PCED1B: variants seen among roughly 807,000 people sequenced by gnomAD.
The protein encoded by PCED1B is PC-esterase domain-containing protein 1B.
For missense variants in PCED1B, 573 were observed against 573.9 expected (o/e 1.00, Z 0.02); for synonymous variants, 251 against 246.1 (o/e 1.02, Z -0.19).
intron 2 of PCED1B, among the ~76,000 whole-genome samples, chr12:47,152,877 G>A (rs1425621904): frequency 1.3e-5 from 2 of 152,180 alleles, no homozygotes; most frequent in East Asian, 3.9e-4. Flanking sequence ...GGAGGTTGCA[G>A]TAAGCCTAGA....
intron 2 of PCED1B, among the ~76,000 whole-genome samples, chr12:47,129,643 G>A (rs2137348036): frequency 6.6e-6 from 1 of 152,182 alleles, no homozygotes; most frequent in African/African-American, 2.4e-5. Flanking sequence ...CCTTGGGTGG[G>A]ATTCTCATGC....
intron 2 of PCED1B, among the ~76,000 whole-genome samples, chr12:47,113,512 G>A (rs145843744): frequency 1.3e-5 from 2 of 152,190 alleles, no homozygotes; most frequent in East Asian, 1.9e-4. Flanking sequence ...TACTGATGAC[G>A]CTCCTGCTTC....
rs529593477 is a variant in PCED1B, at chr12:47,230,010, G to A, written c.-57-4997G>A. ...AGGATGGTCTCAATCTCCTGACCTC[G>A]TGATCTGCCCGCCTCAGCCTCCTAA... On this transcript the variant is annotated intron_variant, in intron 3 of 3. Transcript: ENST00000546455. Among the ~76,000 whole-genome samples the A allele has an allele frequency of 1.9e-4, 28 of 150,756 alleles. No individual in the cohort carries two copies. In the South Asian group the frequency reaches 5.0e-3, roughly 27 times the overall value.
chr12:47,206,300 G>A (rs1057060475), intron 2 of PCED1B: 1 of 152,244 alleles, frequency 6.6e-6, no homozygotes, highest in African/African-American at 2.4e-5. Context: ...AAGGAGGTCT[G>A]CTTTGGCAAA....
At chr12:47,134,496 A>G (rs1415288766) in intron 2 of PCED1B, among the ~76,000 whole-genome samples, 1 of 152,174 alleles carries the variant, frequency 6.6e-6, no homozygotes, top group Non-Finnish European at 1.5e-5. Context: ...AGAACATACA[A>G]AACAGAAATT....
intron 2 of PCED1B, among the ~76,000 whole-genome samples, chr12:47,143,055 T>C (rs1940654552): frequency 6.6e-6 from 1 of 152,026 alleles, no homozygotes. Flanking sequence ...ATAGAAACAA[T>C]TTACCTCAAC....
chr12:47,100,409 T>G (rs1938651682), intron 1 of PCED1B, among the ~76,000 whole-genome samples: 1 of 152,226 alleles, frequency 6.6e-6, no homozygotes, highest in Non-Finnish European at 1.5e-5. Flanking sequence ...TGAATATTCT[T>G]GTCTTCTTTT....
intron 2 of PCED1B, chr12:47,210,486 C>A (rs1047937607): frequency 6.6e-6 from 1 of 152,212 alleles, no homozygotes; most frequent in African/African-American, 2.4e-5. Flanking sequence ...GTATTTCAGG[C>A]CGGGCTTGGT....
At chr12:47,084,147 C>A (rs1270628065) in intron 1 of PCED1B, among the ~76,000 whole-genome samples, 1 of 152,140 alleles carries the variant, frequency 6.6e-6, no homozygotes, top group Non-Finnish European at 1.5e-5. Context: ...TACTGAACAT[C>A]ATAGTTTAGC....
At chr12:47,232,082 A>G (rs1943825756) in intron 3 of PCED1B, among the ~76,000 whole-genome samples, 1 of 152,180 alleles carries the variant, frequency 6.6e-6, no homozygotes, top group African/African-American at 2.4e-5. Flanking sequence ...TATACTCCCT[A>G]TGTGGAGCAT....
intron 3 of PCED1B, among the ~76,000 whole-genome samples, chr12:47,234,120 C>T (rs1222720653): frequency 2.0e-5 from 3 of 152,214 alleles, no homozygotes; most frequent in Non-Finnish European, 2.9e-5. Context: ...TCCCAAGTAG[C>T]TGGGATTACA....
intron 1 of PCED1B, among the ~76,000 whole-genome samples, chr12:47,082,335 A>G (rs981744970): frequency 1.3e-5 from 2 of 152,176 alleles, no homozygotes; most frequent in East Asian, 1.9e-4. Flanking sequence ...GTTTACCCCA[A>G]CTGAATCTGC....
At chr12:47,090,819 AT>A in intron 1 of PCED1B, among the ~76,000 whole-genome samples, 1 of 152,282 alleles carries the variant, frequency 6.6e-6, no homozygotes, top group African/African-American at 2.4e-5. Flanking sequence ...CTGTGGCTAT[AT>A]CACAATTGGT....
intron 1 of PCED1B, 160 bp downstream of exon 1, chr12:47,079,885 G>T (rs1165254149): frequency 6.6e-6 from 1 of 150,770 alleles, no homozygotes; most frequent in African/African-American, 2.4e-5. Context: ...GCGCGCCCGG[G>T]GCCGGGAGAC....
At chr12:47,227,219 A>T (rs1405928598) in intron 3 of PCED1B, among the ~76,000 whole-genome samples, 3 of 152,052 alleles carry the variant, frequency 2.0e-5, no homozygotes, top group African/African-American at 7.2e-5. Flanking sequence ...TCTGGAGTGC[A>T]GCAGCAAGAT....
intron 2 of PCED1B, among the ~76,000 whole-genome samples, chr12:47,213,343 A>C (rs1943151775): frequency 6.9e-6 from 1 of 144,958 alleles, no homozygotes; most frequent in Non-Finnish European, 1.5e-5. Flanking sequence ...AAATATGTGG[A>C]CTGTTTAAGT....
At chr12:47,152,290 C>A (rs1240628179) in intron 2 of PCED1B, among the ~76,000 whole-genome samples, 1 of 152,154 alleles carries the variant, frequency 6.6e-6, no homozygotes, top group Non-Finnish European at 1.5e-5. Context: ...TAACCAAAGT[C>A]AATATTACCA....
intron 3 of PCED1B, among the ~76,000 whole-genome samples, chr12:47,232,868 A>G (rs1285763219): frequency 6.6e-6 from 1 of 151,916 alleles, no homozygotes; most frequent in African/African-American, 2.4e-5. Flanking sequence ...TTATTTATTT[A>G]TGTTGTGTGT....
At chr12:47,182,757 A>T (rs1435613951) in intron 2 of PCED1B, among the ~76,000 whole-genome samples, 1 of 152,184 alleles carries the variant, frequency 6.6e-6, no homozygotes, top group Non-Finnish European at 1.5e-5. Context: ...CCACATAGCT[A>T]GTAACAGTTG....
Sources: gnomAD v4.1 joint callset for allele counts (sites outside exome capture counted in the v4.1 genomes callset) on GRCh38, gnomAD v4.1.1 for gene constraint, MANE v1.5 for transcripts, NCBI Gene and HGNC (gene_info 2026-07-23, HGNC 2026-07-21) for gene names.